C11orf65: variants seen among roughly 807,000 people sequenced by gnomAD.
The protein encoded by C11orf65 is protein MFI.
Under a neutral mutation model 35.3 loss-of-function variants are expected in C11orf65, and 38 were observed. The ratio of observed to expected loss-of-function variants is 1.08; its 90% CI spans 0.83 to 1.41. C11orf65 has a LOEUF of 1.41. Ranked by LOEUF, C11orf65 falls within the 40% of genes most tolerant of loss-of-function variation. C11orf65 has a pLI of 0.00. For synonymous variants in C11orf65, 105 were observed against 114.4 expected (o/e 0.92, Z 0.53); for missense variants, 370 against 367.1 (o/e 1.01, Z -0.06).
chr11:108,327,626 T>C (rs1026199027), downstream of C11orf65: 7 of 1,589,120 alleles, frequency 4.4e-6, no homozygotes, highest in East Asian at 2.2e-5. Context: ...TATTTTAAGA[T>C]TTTGCCTTTC....
At chr11:108,321,038 G>A (rs925964862) in intron 6 of C11orf65, among the ~76,000 whole-genome samples, 3 of 152,210 alleles carry the variant, frequency 2.0e-5, no homozygotes, top group Admixed American at 6.5e-5. Flanking sequence ...AGTAGGATAA[G>A]GAGGAAGGGT....
rs778341014 is a variant in C11orf65 at position 108,310,366 on chromosome 11, C to T, written c.641-1295G>A. Reference sequence around the variant, plus strand: ...TTTAAAATTAATGTTGGCATTGTCTCAATAAGGGTATATAGTAAAGATTTA... The same window carrying T: ...TTTAAAATTAATGTTGGCATTGTCTTAATAAGGGTATATAGTAAAGATTTA... On this transcript the variant is annotated intron_variant, in intron 6 of 6. Coordinates refer to the C11orf65 transcript ENST00000525729. 4 of 1,527,918 alleles carry T rather than the reference C, an allele frequency of 2.6e-6. No individual in the cohort carries two copies. In the South Asian group the frequency reaches 3.4e-5, roughly 13 times the overall value. The allele number at this position is 1,527,918 out of a possible 1,614,324, so 94.6% of individuals were successfully genotyped here.
intron 2 of C11orf65, among the ~76,000 whole-genome samples, chr11:108,450,806 A>G: frequency 6.6e-6 from 1 of 151,920 alleles, no homozygotes; most frequent in African/African-American, 2.4e-5. Flanking sequence ...AGCCTTATCC[A>G]CCATGATCAA....
intron 6 of C11orf65, among the ~76,000 whole-genome samples, chr11:108,396,928 A>C (rs2092325602): frequency 6.6e-6 from 1 of 151,828 alleles, no homozygotes; most frequent in African/African-American, 2.4e-5. Context: ...ATAAAATAAC[A>C]GGTTTGCAAG....
At chr11:108,364,977 A>G (rs1043655559) in intron 2 of C11orf65, 42 of 1,326,552 alleles carry the variant, frequency 3.2e-5, no homozygotes, top group Non-Finnish European at 1.1e-6. Context: ...CTCCCCCATC[A>G]ACTACCATGT....
At chr11:108,332,152 G>A in intron 3 of C11orf65, 5 of 1,356,494 alleles carry the variant, frequency 3.7e-6, no homozygotes, top group Non-Finnish European at 5.1e-6. Context: ...TTCAAGGCTG[G>A]CACGGTGGCT....
chr11:108,414,314 T>C (rs958248817), intron 3 of C11orf65, among the ~76,000 whole-genome samples: 1 of 151,922 alleles, frequency 6.6e-6, no homozygotes, highest in Non-Finnish European at 1.5e-5. Context: ...TCCCCTTTTT[T>C]TGGAATAAAA....
At chr11:108,383,645 C>G (rs1490121239) in intron 8 of C11orf65, among the ~76,000 whole-genome samples, 2 of 152,176 alleles carry the variant, frequency 1.3e-5, no homozygotes, top group African/African-American at 4.8e-5. Context: ...TCATGTTTCT[C>G]AATCTGCTCT....
chr11:108,308,992 G>A, exon 7 of C11orf65: 1 of 1,526,228 alleles, frequency 6.6e-7, no homozygotes, highest in Non-Finnish European at 8.8e-7. Flanking sequence ...GTAGAATGGT[G>A]TTGACATTAG....
chr11:108,402,945 G>GT (rs2092465712), intron 6 of C11orf65, among the ~76,000 whole-genome samples: 1 of 152,116 alleles, frequency 6.6e-6, no homozygotes, highest in Admixed American at 6.6e-5. Context: ...GTATTCCTTT[G>GT]TGTAGATATC....
At chr11:108,422,666 G>A (rs1017892380) in intron 3 of C11orf65, among the ~76,000 whole-genome samples, 2 of 152,068 alleles carry the variant, frequency 1.3e-5, no homozygotes, top group African/African-American at 2.4e-5. Flanking sequence ...GGCGGATCAC[G>A]AGGTCAGGAG....
At chr11:108,369,649 T>C (rs577328482) in intron 2 of C11orf65, among the ~76,000 whole-genome samples, 2 of 152,102 alleles carry the variant, frequency 1.3e-5, no homozygotes, top group Admixed American at 6.5e-5. Flanking sequence ...CTCTGAAAAA[T>C]CCCTTTGCCA....
intron 2 of C11orf65, among the ~76,000 whole-genome samples, chr11:108,369,316 G>C (rs2091477905): frequency 6.6e-6 from 1 of 152,118 alleles, no homozygotes; most frequent in South Asian, 2.1e-4. Context: ...AAATATCCTA[G>C]TAGTGTTTCT....
At position 108,396,884 on chromosome 11, in the gene C11orf65, T is replaced by TAAA. The variant is rs951727855; in HGVS notation, c.561-3507_561-3506insTTT. Among the ~76,000 whole-genome samples, 46 of 144,200 alleles carry TAAA rather than the reference T, an allele frequency of 3.2e-4. 1 individual carries two copies. Among genetic ancestry groups the TAAA allele is most frequent in the South Asian group, 1.3e-3 (6 of 4,562 alleles). The allele number at this position is 144,200 out of a possible 152,430, so 94.6% of individuals were successfully genotyped here. On this transcript the variant is annotated intron_variant, in intron 6 of 8. Transcript: ENST00000393084. ...AAATAAATAAATAAATAAAATAAAA[T>TAAA]AGTTACTATTATAATTAAATGGTAT...
rs75154730 is a variant in C11orf65, at chr11:108,339,450, C to T, written c.227-4158G>A. On this transcript the variant is annotated intron_variant, in intron 2 of 3. Transcript: ENST00000524755. ...ACATTCACTGAATATAATGAATTAACTTCATTTCTGTGTATCTAGGATGAT... is the reference window on the plus strand; with the variant it reads ...ACATTCACTGAATATAATGAATTAATTTCATTTCTGTGTATCTAGGATGAT... Among the ~76,000 whole-genome samples, 1,384 of 152,100 alleles carry T rather than the reference C, an allele frequency of 9.1e-3. 23 individuals are homozygous for T. Among genetic ancestry groups the T allele is most frequent in the African/African-American group, 0.031 (1,285 of 41,488 alleles).
Position 108,446,683 on chromosome 11 carries a change from A to G in C11orf65, c.81+14796T>C, listed in dbSNP as rs971353784. On this transcript the variant is annotated intron_variant, in intron 2 of 8. Transcript: ENST00000393084. ...GTACCAGCCACTGCAAAATCATGCC[A>G]AAATGTAAAGACCATCAAGGCTAGG... 4.5e-4 allele frequency among the ~76,000 whole-genome samples: 69 copies of G among 152,216 alleles called. 1 individual carries two copies. Among genetic ancestry groups the G allele is most frequent in the Admixed American group, 4.4e-3 (67 of 15,278 alleles).
intron 2 of C11orf65, among the ~76,000 whole-genome samples, chr11:108,439,331 G>A (rs960679862): frequency 6.6e-6 from 1 of 152,160 alleles, no homozygotes; most frequent in Admixed American, 6.6e-5. Context: ...CTTGAAAATA[G>A]CAAGTATTGG....
At chr11:108,356,216 G>C (rs1029554549) in intron 2 of C11orf65, 5 of 152,016 alleles carry the variant, frequency 3.3e-5, no homozygotes, top group African/African-American at 1.2e-4. Flanking sequence ...AAACTCTAAA[G>C]TTATATTATC....
At chr11:108,318,040 C>T (rs2084901409) in intron 6 of C11orf65, among the ~76,000 whole-genome samples, 1 of 152,000 alleles carries the variant, frequency 6.6e-6, no homozygotes, top group Admixed American at 6.6e-5. Context: ...GACTGCTTAT[C>T]TTTATTTATG....
Sources: allele counts gnomAD v4.1 joint callset (sites outside exome capture counted in the v4.1 genomes callset), GRCh38; gene constraint gnomAD v4.1.1; transcripts MANE v1.5; gene names NCBI Gene and HGNC (gene_info 2026-07-23, HGNC 2026-07-21).